The following IQSEC3 variants were observed in gnomAD, a reference collection of about 807,000 sequenced individuals.
The protein encoded by IQSEC3 is IQ motif and Sec7 domain ArfGEF 3, also known as IQ motif and SEC7 domain-containing protein 3.
In IQSEC3, 50 loss-of-function variants were observed where a neutral mutation model predicts 105.4. The ratio of observed to expected loss-of-function variants is 0.47; its 90% CI spans 0.38 to 0.60. IQSEC3 has a LOEUF of 0.60. Among genes scored for constraint, IQSEC3 ranks in the 20% least tolerant of loss-of-function variants. The pLI, the probability that IQSEC3 is intolerant of heterozygous loss-of-function variation, is 0.00. For missense variants in IQSEC3, 1,415 were observed against 1,630.0 expected (o/e 0.87, Z 2.27); for synonymous variants, 708 against 746.0 (o/e 0.95, Z 0.83).
chr12:96,702 GT>G (rs1164790116), intron 1 of IQSEC3, among the ~76,000 whole-genome samples: 3 of 152,168 alleles, frequency 2.0e-5, no homozygotes, highest in African/African-American at 4.8e-5. Flanking sequence ...CTGTTTTAAT[GT>G]TTTTTGTTAA....
intron 1 of IQSEC3, among the ~76,000 whole-genome samples, chr12:69,392 T>G (rs1555066876): frequency 6.6e-6 from 1 of 152,290 alleles, no homozygotes; most frequent in Admixed American, 6.5e-5. Context: ...CAGCTCCACA[T>G]GTCAATTCTG....
At chr12:93,771 A>T (rs1864164981) in intron 1 of IQSEC3, among the ~76,000 whole-genome samples, 1 of 152,120 alleles carries the variant, frequency 6.6e-6, no homozygotes, top group South Asian at 2.1e-4. Flanking sequence ...GGGTTATGGG[A>T]GTGGCTTCCT....
At chr12:164,742 C>A (rs1867088556) in intron 9 of IQSEC3, 1 of 152,622 alleles carries the variant, frequency 6.6e-6, no homozygotes, top group South Asian at 2.1e-4. Context: ...CTCCAGGGCT[C>A]AGCTCACAGA....
At chr12:99,346 C>A in intron 2 of IQSEC3, 132 bp downstream of exon 2, 1 of 819,274 alleles carries the variant, frequency 1.2e-6, no homozygotes, top group Non-Finnish European at 1.9e-6. Flanking sequence ...TTGCTTTCAC[C>A]TCCTTCCTCA....
chr12:137,510 T>C (rs1413733205), intron 3 of IQSEC3: 2 of 152,036 alleles, frequency 1.3e-5, no homozygotes, highest in African/African-American at 4.8e-5. Flanking sequence ...TTAATATTTA[T>C]TAACATTAAT....
intron 1 of IQSEC3, among the ~76,000 whole-genome samples, chr12:79,981 T>A (rs186645749): frequency 6.6e-6 from 1 of 152,352 alleles, no homozygotes; most frequent in East Asian, 1.9e-4. Context: ...TCTTTCCTTA[T>A]TAAATATAAA....
chr12:74,027 C>A (rs1863426186), intron 1 of IQSEC3, among the ~76,000 whole-genome samples: 1 of 152,254 alleles, frequency 6.6e-6, no homozygotes, highest in African/African-American at 2.4e-5. Flanking sequence ...TGAGTTATCA[C>A]CCGATGCCCC....
chr12:110,913 C>A (rs1555079385), intron 2 of IQSEC3, among the ~76,000 whole-genome samples: 1 of 152,166 alleles, frequency 6.6e-6, no homozygotes, highest in East Asian at 1.9e-4. Context: ...CGGGGAAATT[C>A]TCAATGTCCT....
intron 3 of IQSEC3, among the ~76,000 whole-genome samples, chr12:134,532 C>G (rs1336012259): frequency 1.3e-5 from 2 of 152,252 alleles, no homozygotes. Context: ...AACAGCATCT[C>G]GTGCTGCAAA....
At chr12:129,759 A>T (rs1555084461) in intron 3 of IQSEC3, among the ~76,000 whole-genome samples, 1 of 151,988 alleles carries the variant, frequency 6.6e-6, no homozygotes, top group African/African-American at 2.4e-5. Flanking sequence ...AGTCAGTAGA[A>T]TCTGGGCCCT....
At position 125,785 on chromosome 12, in the gene IQSEC3, C is replaced by A. The variant is rs1256262167; in HGVS notation, c.776C>A (p.Ser259Tyr). ...EEERPGAGAASPRAGPQHKAS... is the reference protein window; with the variant it reads ...EEERPGAGAAYPRAGPQHKAS... ...GAGCGGCCGGGGGCAGGGGCTGCCT[C>A]CCCAAGGGCTGGCCCCCAGCACAAG... The change falls in exon 3 of 14, where the codon TCC (serine) becomes TAC (tyrosine). Residue 259 changes from serine (S) to tyrosine (Y), a missense_variant. This residue lies in a region of IQSEC3 where 720 missense variants were observed against 633.0 expected (regional missense o/e 1.14). Transcript: ENST00000538872. The A allele has an allele frequency of 3.3e-6, 5 of 1,517,550 alleles. No homozygotes were observed. The highest frequency in any genetic ancestry group is 4.4e-6 in the Non-Finnish European group (5 of 1,139,444). The allele number at this position is 1,517,550 out of a possible 1,614,324, so 94.0% of individuals were successfully genotyped here. A position where few individuals can be genotyped will look rare whatever the true frequency, so the allele number is the denominator to read the frequency against.
At chr12:168,070 G>A (rs1555099028) in intron 11 of IQSEC3, among the ~76,000 whole-genome samples, 1 of 152,198 alleles carries the variant, frequency 6.6e-6, no homozygotes, top group African/African-American at 2.4e-5. Flanking sequence ...CTGGTTTCTA[G>A]ACAACCAGAG....
At position 125,931 on chromosome 12, in the gene IQSEC3, G is replaced by C. The variant is rs782208703; in HGVS notation, c.903+19G>C. The C allele has an allele frequency of 1.7e-5, 26 of 1,528,356 alleles. No homozygotes were observed. Among genetic ancestry groups the C allele is most frequent in the South Asian group, 1.7e-4 (14 of 83,686 alleles). The allele number at this position is 1,528,356 out of a possible 1,614,324, so 94.7% of individuals were successfully genotyped here. ...TAAACAGGTACCCAGGGCCTCCTAG[G>C]GGGGCGGGGAGGGTGGTGAAGGGGC... On this transcript the variant is annotated intron_variant, in intron 3 of 13. Coordinates refer to ENST00000538872, the MANE Select transcript of IQSEC3 (RefSeq NM_001170738.2).
intron 10 of IQSEC3, 48 bp from the exon 11 acceptor site, chr12:165,681 G>GGCT: frequency 1.2e-6 from 2 of 1,604,804 alleles, no homozygotes; most frequent in Non-Finnish European, 1.7e-6. Flanking sequence ...TCTGGCCCTC[G>GGCT]GCTGCTGCTG....
At chr12:107,791 G>C (rs1334932283) in intron 2 of IQSEC3, among the ~76,000 whole-genome samples, 1 of 152,146 alleles carries the variant, frequency 6.6e-6, no homozygotes, top group Non-Finnish European at 1.5e-5. Flanking sequence ...CAAGGGTGTA[G>C]ATCCCTATAC....
At chr12:115,307 A>G (rs1555080418) in intron 2 of IQSEC3, among the ~76,000 whole-genome samples, 2 of 152,156 alleles carry the variant, frequency 1.3e-5, no homozygotes, top group South Asian at 2.1e-4. Context: ...CCCAAGAAAC[A>G]TGTGCTCTGC....
At chr12:71,113 C>T (rs1863298737) in intron 1 of IQSEC3, among the ~76,000 whole-genome samples, 1 of 152,270 alleles carries the variant, frequency 6.6e-6, no homozygotes, top group Non-Finnish European at 1.5e-5. Flanking sequence ...GCTCCCTCTT[C>T]TCATTCTGGC....
intron 2 of IQSEC3, among the ~76,000 whole-genome samples, chr12:108,308 A>G (rs1309731210): frequency 6.6e-6 from 1 of 152,222 alleles, no homozygotes; most frequent in Admixed American, 6.5e-5. Context: ...CCATAGGCAT[A>G]TCTGGAAATA....
intron 1 of IQSEC3, among the ~76,000 whole-genome samples, chr12:76,528 C>T (rs1863535582): frequency 6.6e-6 from 1 of 152,282 alleles, no homozygotes; most frequent in Non-Finnish European, 1.5e-5. Context: ...GTCACGCCAT[C>T]AGCACTCCCA....
Sources: gnomAD v4.1 joint callset for allele counts (sites outside exome capture counted in the v4.1 genomes callset) on GRCh38, gnomAD v4.1.1 for gene constraint, gnomAD v4.1.1 regional missense constraint, MANE v1.5 for transcripts, NCBI Gene and HGNC (gene_info 2026-07-23, HGNC 2026-07-21) for gene names.